The following BPIFB6 variants were observed in gnomAD, a reference collection of about 807,000 sequenced individuals.
BPIFB6 encodes the protein BPI fold-containing family B member 6.
In BPIFB6, 47 loss-of-function variants were observed where a neutral mutation model predicts 54.7. The observed-to-expected ratio is 0.86, with a 90% confidence interval of 0.68 to 1.10. The LOEUF (loss-of-function observed/expected upper bound fraction) is 1.10. BPIFB6 is among the 50% of genes least tolerant of loss of function. The pLI, the probability that BPIFB6 is intolerant of heterozygous loss-of-function variation, is 0.00. For missense variants in BPIFB6, 603 were observed against 564.1 expected (o/e 1.07, Z -0.70); for synonymous variants, 255 against 225.9 (o/e 1.13, Z -1.16).
intron 7 of BPIFB6, 72 bp downstream of exon 7, chr20:33,036,608 C>A: frequency 7.2e-7 from 1 of 1,389,234 alleles, no homozygotes; most frequent in Non-Finnish European, 1.0e-6. Context: ...ATGCTTCTGC[C>A]AGGACAGGTG....
intron 6 of BPIFB6, among the ~76,000 whole-genome samples, 170 bp downstream of exon 6, chr20:33,035,842 C>T (rs985709532): frequency 8.5e-5 from 13 of 152,144 alleles, no homozygotes; most frequent in Admixed American, 3.3e-4. Flanking sequence ...GGCCTGAAGT[C>T]CCCAGGGAAT....
chr20:33,039,466 G>A lies in BPIFB6; in HGVS notation c.1020G>A (p.Met340Ile), dbSNP rs1466677979. The A allele has an allele frequency of 3.7e-6, 6 of 1,613,990 alleles. No individual in the cohort carries two copies. The highest frequency in any genetic ancestry group is 5.1e-6 in the Non-Finnish European group (6 of 1,179,986). The change falls in exon 10 of 15, where the codon ATG becomes ATA. Residue 340 changes from methionine to isoleucine, a missense_variant. By Grantham distance (10) the Met-to-Ile change is conservative (BLOSUM62 1). Coordinates refer to ENST00000349552, the MANE Select transcript of BPIFB6 (RefSeq NM_174897.2). ...SLLHLHSTLE[M>I]FAARWRSKAP... The stretch of plus-strand genomic sequence containing the variant: ...TGCACCTCCACAGCACCCTGGAGAT[G>A]TTCGCAGCTCGGTGGCGGAGCAAGG...
intron 1 of BPIFB6, among the ~76,000 whole-genome samples, chr20:33,032,140 A>C (rs1261079998): frequency 6.6e-6 from 1 of 152,150 alleles, no homozygotes; most frequent in Non-Finnish European, 1.5e-5. Flanking sequence ...GTAAAGGTGA[A>C]ATGTAAAGAA....
At chr20:33,042,938 T>G in intron 13 of BPIFB6, 60 bp downstream of exon 13, 1 of 1,529,752 alleles carries the variant, frequency 6.5e-7, no homozygotes, top group Non-Finnish European at 9.0e-7. Context: ...CAATAAGGGA[T>G]GCCACCTGGG....
chr20:33,040,882 T>C (rs1241399725), intron 11 of BPIFB6, among the ~76,000 whole-genome samples: 2 of 152,232 alleles, frequency 1.3e-5, no homozygotes, highest in Non-Finnish European at 2.9e-5. Context: ...GGATTAATTA[T>C]GTCAGGATTC....
intron 12 of BPIFB6, 86 bp downstream of exon 12, chr20:33,042,101 A>T: frequency 7.2e-7 from 1 of 1,389,432 alleles, no homozygotes; most frequent in East Asian, 2.3e-5. Context: ...CGAGGCCCTG[A>T]AATGGAGGCA....
chr20:33,044,067 C>T, downstream of BPIFB6: 1 of 1,614,114 alleles, frequency 6.2e-7, no homozygotes, highest in Non-Finnish European at 8.5e-7. Context: ...GACTCCCCTG[C>T]CAGCTGCCTG....
chr20:33,035,293 G>A (rs41284344), intron 5 of BPIFB6, 149 bp downstream of exon 5: 10,270 of 818,406 alleles, frequency 0.013, 88 homozygotes, highest in Non-Finnish European at 0.016. Flanking sequence ...GTGGAAGAAA[G>A]TGCCACAATC....
Position 33,040,234 on chromosome 20 carries a change from C to T in BPIFB6, c.1075-17C>T. The stretch of plus-strand genomic sequence containing the variant: ...GGAACCCACTGCCTTCTCCCTGCTT[C>T]CTCCCCACCATGCCAGCACTTCAAT... On this transcript the variant is annotated splice_polypyrimidine_tract_variant and intron_variant, in intron 10 of 14. Transcript: ENST00000349552. 1 of 1,613,290 alleles carries T rather than the reference C, an allele frequency of 6.2e-7. No individual in the cohort carries two copies. Among genetic ancestry groups the T allele is most frequent in the Non-Finnish European group, 8.5e-7 (1 of 1,179,388 alleles).
chr20:33,035,052 A>G (rs769618778), intron 4 of BPIFB6, 29 bp from the exon 5 acceptor site: 6 of 1,612,096 alleles, frequency 3.7e-6, no homozygotes, highest in Non-Finnish European at 5.1e-6. Flanking sequence ...GCACCTGCCC[A>G]CCTATCCTCG....
chr20:33,039,482 C>T lies in BPIFB6; in HGVS notation c.1036C>T (p.Arg346Trp), dbSNP rs550355845. 49 of 1,613,256 alleles carry T rather than the reference C, an allele frequency of 3.0e-5. No homozygotes were observed. Among genetic ancestry groups the T allele is most frequent in the African/African-American group, 6.7e-5 (5 of 74,988 alleles). The change falls in exon 10 of 15, where the codon CGG (arginine) becomes TGG (tryptophan). Residue 346 changes from arginine to tryptophan, a missense_variant. By Grantham distance (101) the Arg-to-Trp change is moderately radical (BLOSUM62 -3). Transcript: ENST00000349552. Reference sequence around the variant, plus strand: ...CCTGGAGATGTTCGCAGCTCGGTGGCGGAGCAAGGCTCCAATGTCCCTCTT... The same window carrying T: ...CCTGGAGATGTTCGCAGCTCGGTGGTGGAGCAAGGCTCCAATGTCCCTCTT... The part of the protein sequence containing the change: ...STLEMFAARW[R>W]SKAPMSLFLL...
At position 33,034,860 on chromosome 20, in the gene BPIFB6, A is replaced by C; in HGVS notation, c.400A>C (p.Ser134Arg). 6.2e-7 allele frequency: 1 copy of C among 1,613,704 alleles called. No individual in the cohort carries two copies. Residue 134 changes from serine (S) to arginine (R), a missense_variant, in exon 4 of 15, where the codon AGT (serine) becomes CGT (arginine). Ser to Arg is a moderately radical substitution (Grantham distance 110). Transcript: ENST00000349552. ...GGAGACAGGCCTCCCCGTGTTCAAG[A>C]GTGAGGGCTGTGAGGTCATCCTGGT... is the stretch of plus-strand genomic sequence containing the variant. ...DEETGLPVFK[S>R]EGCEVILVNV...
intron 1 of BPIFB6, among the ~76,000 whole-genome samples, chr20:33,032,580 C>A (rs528321423): frequency 7.2e-5 from 11 of 152,206 alleles, no homozygotes; most frequent in Non-Finnish European, 1.5e-4. Flanking sequence ...TCTGTCCTCA[C>A]CCTCCAGCCA....
chr20:33,042,835 C>A lies in BPIFB6; in HGVS notation c.1209C>A (p.Phe403Leu), dbSNP rs934714117. ...TCCAGGAGAGGGAATTAACTGGCTT[C>A]ATCACCAGCTATCTCGAAGAAGCCT... ...GNFNERELTG[F>L]ITSYLEEAYI... Residue 403 changes from phenylalanine (F) to leucine (L), a missense_variant, in exon 13 of 15, where the codon TTC becomes TTA. Phe to Leu is a conservative substitution (Grantham distance 22). Transcript: ENST00000349552. The A allele has an allele frequency of 3.7e-6, 6 of 1,614,066 alleles. No homozygotes were observed. The highest frequency in any genetic ancestry group is 1.7e-5 in the Admixed American group (1 of 60,008).
chr20:33,041,882 C>A, intron 11 of BPIFB6, 88 bp from the exon 12 acceptor site: 1 of 1,267,320 alleles, frequency 7.9e-7, no homozygotes, highest in Non-Finnish European at 1.1e-6. Flanking sequence ...CGTTGGGGTG[C>A]TTGGGACCCC....
At chr20:33,039,580 G>T in intron 10 of BPIFB6, 60 bp downstream of exon 10, 2 of 1,530,022 alleles carry the variant, frequency 1.3e-6, no homozygotes, top group African/African-American at 1.4e-5. Flanking sequence ...CAGGGCTGGA[G>T]GATGGGATTT....
intron 10 of BPIFB6, 120 bp from the exon 11 acceptor site, chr20:33,040,131 A>G: frequency 2.3e-6 from 2 of 879,314 alleles, no homozygotes; most frequent in Non-Finnish European, 3.7e-6. Context: ...GGCAGAGAGA[A>G]GATCCCCTGC....
In BPIFB6 at chr20:33,035,709, G is replaced by A. The variant is rs372109303; in HGVS notation, c.577+37G>A. The stretch of plus-strand genomic sequence containing the variant: ...CCTACCCACACCTTGCCCCTACCTA[G>A]GGATATCAGGATAGATAGACTTTGA... On this transcript the variant is annotated intron_variant, in intron 6 of 14. Transcript: ENST00000349552. 9.4e-6 allele frequency: 15 copies of A among 1,591,326 alleles called. No individual in the cohort carries two copies. In the African/African-American group the frequency reaches 2.0e-4, roughly 21 times the overall value.
intron 10 of BPIFB6, among the ~76,000 whole-genome samples, chr20:33,039,731 C>T (rs560399603): frequency 1.3e-5 from 2 of 152,356 alleles, no homozygotes; most frequent in South Asian, 2.1e-4. Context: ...TTTCTCTTTC[C>T]TCCCTCCAAC....
Sources: allele counts gnomAD v4.1 joint callset (sites outside exome capture counted in the v4.1 genomes callset), GRCh38; gene constraint gnomAD v4.1.1; transcripts MANE v1.5; gene names NCBI Gene and HGNC (gene_info 2026-07-23, HGNC 2026-07-21).